HMCN2: variants seen among roughly 807,000 people sequenced by gnomAD.
The protein encoded by HMCN2 is hemicentin 2, also known as hemicentin-2.
In HMCN2, 325 loss-of-function variants were observed where a neutral mutation model predicts 377.5. The ratio of observed to expected loss-of-function variants is 0.86; its 90% confidence interval spans 0.79 to 0.94. HMCN2 has a LOEUF of 0.94. Among genes scored for constraint, HMCN2 ranks in the 40% least tolerant of loss-of-function variants. HMCN2 has a pLI of 0.00. For missense variants in HMCN2, 4,543 were observed against 4,725.3 expected (o/e 0.96, Z 1.13); for synonymous variants, 2,007 against 2,046.8 (o/e 0.98, Z 0.53).
At chr9:130,266,214 C>T (rs367963817) in intron 1 of HMCN2, 77 bp downstream of exon 1, 9 of 409,876 alleles carry the variant, frequency 2.2e-5, no homozygotes, top group African/African-American at 1.9e-4. Flanking sequence ...CAGTTGGCCC[C>T]GAACGCACCT....
chr9:130,432,702 G>C lies in HMCN2; in HGVS notation c.14894+147G>C. 4.9e-6 allele frequency: 4 copies of C among 811,660 alleles called. No individual in the cohort carries two copies. In the Admixed American group the frequency reaches 7.4e-5, roughly 15 times the overall value. The allele number at this position is 811,660 out of a possible 1,614,324, so 50.3% of individuals were successfully genotyped here. A position where few individuals can be genotyped will look rare whatever the true frequency, so the allele number is the denominator to read the frequency against. ...GAGCCCTGGGGGCAGGGAGAGGCCA[G>C]AGTGGGAGAGAACGGGGACACAGGA... On this transcript the variant is annotated intron_variant, in intron 97 of 97. Coordinates refer to ENST00000683500, the MANE Select transcript of HMCN2 (RefSeq NM_001291815.2).
At position 130,353,195 on chromosome 9, in the gene HMCN2, G is replaced by A. The variant is rs1255206015; in HGVS notation, c.4854G>A (p.Leu1618=). 4.6e-6 allele frequency: 6 copies of A among 1,303,432 alleles called. No homozygotes were observed. Among genetic ancestry groups the A allele is most frequent in the Non-Finnish European group, 6.1e-6 (6 of 988,800 alleles). 80.7% of individuals were successfully genotyped at this position (1,303,432 alleles called of 1,614,324 possible). The change falls in exon 31 of 98, where the codon CTG becomes CTA. Residue 1618 remains leucine (L), a synonymous_variant. Transcript: ENST00000683500. The stretch of plus-strand genomic sequence containing the variant: ...GGGCCGCAGAGAAGGCCACCAGGCT[G>A]GATGTTTATGGTGAGCAGCCAGGGG... ...AVGAAEKATR[L]DVYVPPTIEG...
rs530932641 is a variant in HMCN2 at position 130,430,081 on chromosome 9, G to A, written c.14327-203G>A. The A allele has an allele frequency of 3.9e-5, 24 of 615,484 alleles. No homozygotes were observed. In the East Asian group the frequency reaches 5.5e-4, roughly 14 times the overall value. 38.1% of individuals were successfully genotyped at this position (615,484 alleles called of 1,614,324 possible). On this transcript the variant is annotated intron_variant, in intron 94 of 97. Transcript: ENST00000683500. ...GACGAGGCTGAGAGCTGGGGAGGCT[G>A]GGCCTCTGGGAGCTGTAGGTGGAAT...
intron 17 of HMCN2, 55 bp from the exon 18 acceptor site, chr9:130,320,721 C>G (rs1837803591): frequency 6.6e-6 from 1 of 152,222 alleles, no homozygotes; most frequent in East Asian, 1.9e-4. Flanking sequence ...CCTCTGTCCC[C>G]CAGACAACCA....
intron 4 of HMCN2, among the ~76,000 whole-genome samples, chr9:130,288,391 T>G (rs1835543291): frequency 6.6e-6 from 1 of 152,222 alleles, no homozygotes; most frequent in South Asian, 2.1e-4. Context: ...TTCCTGGGCA[T>G]GGAGCTCTGT....
intron 81 of HMCN2, 134 bp downstream of exon 81, chr9:130,405,193 C>G (rs1475732): frequency 0.76 from 433,832 of 572,492 alleles, 167,483 homozygotes; most frequent in Non-Finnish European, 0.81. Context: ...CGGGTACAGA[C>G]AGCCAGAACT....
intron 94 of HMCN2, 107 bp from the exon 95 acceptor site, chr9:130,430,177 G>A: frequency 3.2e-6 from 3 of 947,950 alleles, no homozygotes; most frequent in Non-Finnish European, 4.6e-6. Context: ...GGGAGTGGCT[G>A]GATTCTAGGG....
chr9:130,320,068 G>A (rs1287997056), intron 16 of HMCN2, among the ~76,000 whole-genome samples: 4 of 152,022 alleles, frequency 2.6e-5, no homozygotes, highest in African/African-American at 7.3e-5. Flanking sequence ...TTTACTACAC[G>A]CCAGGCCCAA....
intron 94 of HMCN2, 36 bp from the exon 95 acceptor site, chr9:130,430,248 C>T: frequency 6.8e-7 from 1 of 1,479,016 alleles, no homozygotes; most frequent in Middle Eastern, 2.0e-4. Context: ...GGAACCTGGG[C>T]CACCTGTGCA....
Position 130,403,181 on chromosome 9 carries a change from C to G in HMCN2, c.11879-13C>G. ...GACATTCTCAGGGCCCTCTGCACCC[C>G]CGTCCTTTGTAGCCTCCCCGGTGGT... On this transcript the variant is annotated splice_polypyrimidine_tract_variant and intron_variant, in intron 78 of 97. Transcript: ENST00000683500. The G allele has an allele frequency of 7.8e-7, 1 of 1,287,540 alleles. No individual in the cohort carries two copies. The highest frequency in any genetic ancestry group is 1.0e-6 in the Non-Finnish European group (1 of 987,406). The allele number at this position is 1,287,540 out of a possible 1,614,324, so 79.8% of individuals were successfully genotyped here.
intron 77 of HMCN2, 25 bp downstream of exon 77, chr9:130,400,972 G>T (rs1842836066): frequency 7.8e-7 from 1 of 1,274,336 alleles, no homozygotes; most frequent in Admixed American, 2.4e-5. Context: ...GCCACAGAGA[G>T]AGGCAGCTGA....
chr9:130,345,434 T>C (rs1035779001), intron 25 of HMCN2, among the ~76,000 whole-genome samples: 153 of 147,752 alleles, frequency 1.0e-3, no homozygotes, highest in African/African-American at 3.5e-3. Flanking sequence ...GTGTGTGTAG[T>C]ATGTGGTGTG....
In HMCN2 at chr9:130,422,280, A is replaced by G. The variant is rs545118912; in HGVS notation, c.13232-297A>G. On this transcript the variant is annotated intron_variant, in intron 86 of 97. Coordinates refer to ENST00000683500, the MANE Select transcript of HMCN2 (RefSeq NM_001291815.2). This position sits in a 1 kb window ranked among gnomAD's most constrained non-coding sequence, Gnocchi z 4.2. ...GCCTCCTCATTTTACAGGTGAGCCA[A>G]CTCAGGTGTGGCTTGGGGGCCTGAG... Among the ~76,000 whole-genome samples, 292 of 152,280 alleles carry G rather than the reference A, an allele frequency of 1.9e-3. 1 individual carries two copies. The highest frequency in any genetic ancestry group is 6.7e-3 in the African/African-American group (277 of 41,554).
Position 130,395,909 on chromosome 9 carries a change from G to A in HMCN2, c.10912-15G>A. 7.8e-7 allele frequency: 1 copy of A among 1,284,656 alleles called. No homozygotes were observed. Among genetic ancestry groups the A allele is most frequent in the South Asian group, 1.2e-5 (1 of 80,466 alleles). 79.6% of individuals were successfully genotyped at this position (1,284,656 alleles called of 1,614,324 possible). On this transcript the variant is annotated splice_polypyrimidine_tract_variant and intron_variant, in intron 71 of 97. Transcript: ENST00000683500. ...GCACTGATAAGGGTCTGTCCACCCT[G>A]GCGGGGCTCTCCAGGAGGACGCCCA...
intron 86 of HMCN2, chr9:130,419,389 G>A (rs17146945): frequency 0.15 from 28,390 of 194,066 alleles, 2,602 homozygotes; most frequent in East Asian, 0.4. Context: ...AAAAGTCTGT[G>A]CATCAGTGCA....
intron 54 of HMCN2, among the ~76,000 whole-genome samples, chr9:130,380,354 G>A (rs1003597041): frequency 3.3e-5 from 5 of 152,164 alleles, no homozygotes; most frequent in Non-Finnish European, 7.3e-5. Context: ...GGGAAGCGTG[G>A]GTGGTCTCTC....
Position 130,399,633 on chromosome 9 carries a change from G to C in HMCN2, c.11605+1G>C, listed in dbSNP as rs1310182305. The C allele has an allele frequency of 7.8e-7, 1 of 1,288,444 alleles. No homozygotes were observed. The highest frequency in any genetic ancestry group is 5.6e-5 in the East Asian group (1 of 18,010). 79.8% of individuals were successfully genotyped at this position (1,288,444 alleles called of 1,614,324 possible). ...AGGCTCTACCAGGTGACCGTCCATG[G>C]TGAGTCGGGGCAGAGGTGGAGGGGG... On this transcript the variant is annotated splice_donor_variant, in intron 76 of 97. Coordinates refer to ENST00000683500, the MANE Select transcript of HMCN2 (RefSeq NM_001291815.2). LOFTEE classifies it high-confidence loss of function.
intron 19 of HMCN2, among the ~76,000 whole-genome samples, chr9:130,323,856 C>A (rs1837979326): frequency 6.6e-6 from 1 of 152,128 alleles, no homozygotes; most frequent in African/African-American, 2.4e-5. Context: ...GCATGTGCCA[C>A]CATGCCCGGC....
At chr9:130,376,068 C>T (rs1317607669) in intron 51 of HMCN2, 79 bp downstream of exon 51, 2 of 464,356 alleles carry the variant, frequency 4.3e-6, no homozygotes, top group East Asian at 1.5e-4. Flanking sequence ...CCTGAGCCAC[C>T]CTTGGTGCTC....
Sources: allele counts gnomAD v4.1 joint callset (sites outside exome capture counted in the v4.1 genomes callset), GRCh38; gene constraint gnomAD v4.1.1; non-coding constraint Gnocchi (gnomAD v3.1); transcripts MANE v1.5; gene names NCBI Gene and HGNC (gene_info 2026-07-23, HGNC 2026-07-21).